The following SLC8A3 variants were observed in gnomAD, a reference collection of about 807,000 sequenced individuals.
The protein encoded by SLC8A3 is solute carrier family 8 member A3, also known as sodium/calcium exchanger 3.
SLC8A3 carries 37 observed loss-of-function variants against 65.4 expected under a neutral mutation model. The observed-to-expected ratio is 0.57, with a 90% CI of 0.44 to 0.74. The LOEUF (loss-of-function observed/expected upper bound fraction) is 0.74. Ranked by LOEUF, SLC8A3 falls within the 30% of genes least tolerant of loss-of-function variation. The pLI, the probability that SLC8A3 is intolerant of heterozygous loss-of-function variation, is 0.00. For missense variants in SLC8A3, 1,112 were observed against 1,172.1 expected (o/e 0.95, Z 0.75); for synonymous variants, 461 against 444.5 (o/e 1.04, Z -0.47).
rs371411414 is a variant in SLC8A3, at chr14:70,164,303, C to G, written c.1784+2336G>C. Among the ~76,000 whole-genome samples, 343 of 152,248 alleles carry G rather than the reference C, an allele frequency of 2.3e-3. 1 individual carries two copies. Among genetic ancestry groups the G allele is most frequent in the South Asian group, 9.3e-3 (45 of 4,818 alleles). On this transcript the variant is annotated intron_variant, in intron 2 of 6. Transcript: ENST00000356921. ...ATTTTTCTGCTCCGTAATACTGCCT[C>G]TAGTTGTAAAATTGCAATTTAAAAT...
At chr14:70,113,436 A>G (rs8006401) in intron 2 of SLC8A3, among the ~76,000 whole-genome samples, 151,128 of 152,330 alleles carry the variant, frequency 0.99, 74,976 homozygotes, top group East Asian at 1. Context: ...ATCCACTGTT[A>G]ACCAAAACAT....
chr14:70,127,373 G>A (rs936992436), intron 2 of SLC8A3, among the ~76,000 whole-genome samples: 1 of 152,092 alleles, frequency 6.6e-6, no homozygotes, highest in Non-Finnish European at 1.5e-5. Flanking sequence ...CGCCCAGGTA[G>A]ACTTTTTGAC....
Position 70,085,359 on chromosome 14 carries a change from C to T in SLC8A3, c.1785-24420G>A, listed in dbSNP as rs147395495. 2.0e-4 allele frequency among the ~76,000 whole-genome samples: 31 copies of T among 152,240 alleles called. 1 individual carries two copies. The highest frequency in any genetic ancestry group is 7.2e-4 in the African/African-American group (30 of 41,536). On this transcript the variant is annotated intron_variant, in intron 2 of 6. Coordinates refer to ENST00000356921, the MANE Select transcript of SLC8A3 (RefSeq NM_182932.3). ...CATACAATCAGATTATGATTTCTTT[C>T]CTTCTATGCATTCTCCTTGGACTGT...
At chr14:70,110,664 T>G (rs1206481459) in intron 2 of SLC8A3, among the ~76,000 whole-genome samples, 8 of 141,718 alleles carry the variant, frequency 5.6e-5, no homozygotes, top group African/African-American at 2.1e-4. Context: ...AGAGTGCAGA[T>G]ACCTCTTTCT....
intron 5 of SLC8A3, among the ~76,000 whole-genome samples, chr14:70,050,242 G>GA (rs1448809167): frequency 2.0e-5 from 3 of 152,170 alleles, no homozygotes; most frequent in Non-Finnish European, 4.4e-5. Flanking sequence ...CAGGTGATGA[G>GA]AAAAGTGGGG....
chr14:70,126,443 G>A (rs1894446643), intron 2 of SLC8A3, among the ~76,000 whole-genome samples: 1 of 151,948 alleles, frequency 6.6e-6, no homozygotes, highest in African/African-American at 2.4e-5. Flanking sequence ...AGGACCTAAT[G>A]AATTCCTTTA....
In SLC8A3 at chr14:70,118,879, A is replaced by G. The variant is rs1447336865; in HGVS notation, c.1784+47760T>C. Among the ~76,000 whole-genome samples, 4 of 152,202 alleles carry G rather than the reference A, an allele frequency of 2.6e-5. No homozygotes were observed. In the East Asian group the frequency reaches 5.8e-4, roughly 22 times the overall value. ...TTGGTTTTCTAGGACACAGTGAAATATAGCTTTGCTGTATAAAGTCATTCA... is the reference window on the plus strand; with the variant it reads ...TTGGTTTTCTAGGACACAGTGAAATGTAGCTTTGCTGTATAAAGTCATTCA... On this transcript the variant is annotated intron_variant, in intron 2 of 6. Coordinates refer to ENST00000356921, the MANE Select transcript of SLC8A3 (RefSeq NM_182932.3).
intron 2 of SLC8A3, among the ~76,000 whole-genome samples, chr14:70,129,312 C>T (rs944501183): frequency 3.9e-5 from 6 of 152,166 alleles, no homozygotes; most frequent in African/African-American, 1.2e-4. Flanking sequence ...CTCCTGGACA[C>T]AGGGTGAAGG....
chr14:70,094,597 G>C (rs892150304), intron 2 of SLC8A3, among the ~76,000 whole-genome samples: 2 of 152,230 alleles, frequency 1.3e-5, no homozygotes, highest in African/African-American at 2.4e-5. Context: ...CAACAAGACA[G>C]AACACAGCAT....
intron 1 of SLC8A3, among the ~76,000 whole-genome samples, chr14:70,178,155 A>C (rs1012327727): frequency 3.0e-4 from 46 of 152,224 alleles, no homozygotes; most frequent in Non-Finnish European, 5.3e-4. Flanking sequence ...TCCAGGCCCC[A>C]AGAAATGAAA....
intron 2 of SLC8A3, among the ~76,000 whole-genome samples, chr14:70,128,523 T>C (rs898426922): frequency 1.3e-5 from 2 of 152,218 alleles, no homozygotes; most frequent in Admixed American, 6.5e-5. Flanking sequence ...AGCCCTACTT[T>C]TGCTTTAAGA....
intron 1 of SLC8A3, among the ~76,000 whole-genome samples, chr14:70,175,892 A>G (rs975702624): frequency 1.3e-5 from 2 of 152,038 alleles, no homozygotes; most frequent in Admixed American, 6.6e-5. Context: ...GCACCACCAC[A>G]TCTGGCTAAT....
intron 2 of SLC8A3, among the ~76,000 whole-genome samples, chr14:70,145,792 C>A (rs944991266): frequency 2.0e-5 from 3 of 152,194 alleles, no homozygotes; most frequent in Non-Finnish European, 4.4e-5. Flanking sequence ...AGCTGCTGCA[C>A]CCCAGCACAC....
At chr14:70,054,147 C>A (rs2139752804) in intron 3 of SLC8A3, among the ~76,000 whole-genome samples, 1 of 151,506 alleles carries the variant, frequency 6.6e-6, no homozygotes, top group East Asian at 2.0e-4. Context: ...GAAGATTGAA[C>A]AAATATTGGA....
At chr14:70,061,001 A>C (rs1260262812) in intron 2 of SLC8A3, 62 bp from the exon 3 acceptor site, 7 of 731,164 alleles carry the variant, frequency 9.6e-6, no homozygotes, top group Non-Finnish European at 1.7e-5. Flanking sequence ...GGTCACCTGG[A>C]GCACAGCCTT....
At chr14:70,125,841 T>G (rs1030235610) in intron 2 of SLC8A3, among the ~76,000 whole-genome samples, 1 of 152,154 alleles carries the variant, frequency 6.6e-6, no homozygotes, top group African/African-American at 2.4e-5. Flanking sequence ...CTGAGATGGA[T>G]CCAACACTAG....
At chr14:70,049,228 C>T (rs926341223) in intron 5 of SLC8A3, among the ~76,000 whole-genome samples, 186 bp from the exon 6 acceptor site, 1 of 152,136 alleles carries the variant, frequency 6.6e-6, no homozygotes, top group Admixed American at 6.5e-5. Context: ...TGGGCTGCCT[C>T]ATAGGTCAAT....
intron 2 of SLC8A3, among the ~76,000 whole-genome samples, chr14:70,065,589 G>A (rs922890413): frequency 8.5e-5 from 13 of 152,156 alleles, no homozygotes; most frequent in East Asian, 5.8e-4. Flanking sequence ...CAAGTCTCAC[G>A]TGTAAGGTCA....
At chr14:70,147,337 C>A (rs9888559) in intron 2 of SLC8A3, among the ~76,000 whole-genome samples, 2 of 152,112 alleles carry the variant, frequency 1.3e-5, no homozygotes, top group South Asian at 4.1e-4. Context: ...GGAAATTGAA[C>A]CTTCAAGAGA....
Sources: gnomAD v4.1 joint callset for allele counts (sites outside exome capture counted in the v4.1 genomes callset) on GRCh38, gnomAD v4.1.1 for gene constraint, MANE v1.5 for transcripts, NCBI Gene and HGNC (gene_info 2026-07-23, HGNC 2026-07-21) for gene names.